Variants in SLC35D2 observed in about 807,000 individuals in gnomAD.
SLC35D2 encodes solute carrier family 35 member D2, also known as nucleotide sugar transporter SLC35D2.
A neutral mutation model predicts 41.8 loss-of-function variants in SLC35D2; 43 were observed. The ratio of observed to expected loss-of-function variants is 1.03; its 90% CI spans 0.81 to 1.33. The LOEUF (loss-of-function observed/expected upper bound fraction) is 1.33, where lower values mean the gene tolerates loss of function less well. SLC35D2 is among the 40% of genes most tolerant of loss of function. SLC35D2 has a pLI of 0.00. For missense variants in SLC35D2, 380 were observed against 408.4 expected, an observed-to-expected ratio of 0.93 and a Z score of 0.60; for synonymous variants, 150 against 163.9, an observed-to-expected ratio of 0.92 and a Z score of 0.65.
intron 6 of SLC35D2, among the ~76,000 whole-genome samples, chr9:96,348,205 C>A (rs1587684337): frequency 6.6e-6 from 1 of 152,302 alleles, no homozygotes; most frequent in African/African-American, 2.4e-5. Flanking sequence ...GGCTACCACA[C>A]CCAGCCCAGA....
chr9:96,373,686 A>G (rs1228296880), intron 1 of SLC35D2, among the ~76,000 whole-genome samples: 45 of 67,130 alleles, frequency 6.7e-4, no homozygotes, highest in Non-Finnish European at 1.4e-4. Flanking sequence ...AGACTCTCTC[A>G]AAAAAAAAAA....
intron 3 of SLC35D2, 147 bp from the exon 4 acceptor site, chr9:96,360,368 C>T (rs1169362022): frequency 1.5e-5 from 10 of 656,796 alleles, no homozygotes; most frequent in Non-Finnish European, 2.3e-5. Context: ...CAGTGGCTCA[C>T]GCCTGTAATC....
chr9:96,351,750 A>G (rs1721847166), intron 5 of SLC35D2, among the ~76,000 whole-genome samples: 1 of 152,182 alleles, frequency 6.6e-6, no homozygotes, highest in Non-Finnish European at 1.5e-5. Context: ...ATTGGTTTAT[A>G]TTCCATCTGG....
chr9:96,321,436 T>A, intron 11 of SLC35D2, 95 bp from the exon 12 acceptor site: 1 of 773,536 alleles, frequency 1.3e-6, no homozygotes, highest in East Asian at 2.6e-5. Context: ...ACCTGCTTCA[T>A]GCGGAGGGAA....
chr9:96,371,474 C>CAAAAAAAAAAAAAAAAAAAAAAAAAAA (rs539576375), intron 1 of SLC35D2, among the ~76,000 whole-genome samples: 3 of 46,648 alleles, frequency 6.4e-5, no homozygotes, highest in Non-Finnish European at 7.6e-5. Context: ...GACTCTGTCT[C>CAAAAAAAAAAAAAAAAAAAAAAAAAAA]AAAAAAAAAA....
intron 1 of SLC35D2, 70 bp from the exon 2 acceptor site, chr9:96,368,375 A>G: frequency 9.0e-7 from 1 of 1,107,212 alleles, no homozygotes; most frequent in East Asian, 2.5e-5. Flanking sequence ...ATAATAAATA[A>G]TGACAAGTTA....
chr9:96,350,880 C>G (rs1354985726), intron 6 of SLC35D2: 1 of 421,132 alleles, frequency 2.4e-6, no homozygotes, highest in Non-Finnish European at 4.3e-6. Flanking sequence ...ATATTAATAT[C>G]TTGCAATGCT....
At chr9:96,382,464 TATAC>T (rs1831232330) in intron 1 of SLC35D2, among the ~76,000 whole-genome samples, 1 of 95,530 alleles carries the variant, frequency 1.0e-5, no homozygotes, top group African/African-American at 5.9e-5. Flanking sequence ...AAAAAAATAT[TATAC>T]ACACACACAC....
At chr9:96,337,813 C>G (rs1008375307) in intron 8 of SLC35D2, among the ~76,000 whole-genome samples, 1 of 151,562 alleles carries the variant, frequency 6.6e-6, no homozygotes, top group African/African-American at 2.4e-5. Context: ...GAAACCCTAT[C>G]TCTACGAAAA....
chr9:96,351,153 G>A lies in SLC35D2; in HGVS notation c.438C>T (p.Asn146=), dbSNP rs767797564. ...TIILGKQYSL[N]IILSVFAIIL... ...TAATGGCAAAGACACTGAGGATGAT[G>A]TTGAGTGAATACTGCTTCCTGTAAT... Residue 146 remains asparagine (N), a synonymous_variant, in exon 6 of 12, where the codon AAC becomes AAT. Coordinates refer to ENST00000253270, the MANE Select transcript of SLC35D2 (RefSeq NM_007001.3). 7 of 1,610,894 alleles carry A rather than the reference G, an allele frequency of 4.3e-6. No individual in the cohort carries two copies. Among genetic ancestry groups the A allele is most frequent in the Non-Finnish European group, 5.1e-6 (6 of 1,177,134 alleles).
At chr9:96,347,090 C>T (rs10119629) in intron 6 of SLC35D2, among the ~76,000 whole-genome samples, 35,845 of 152,098 alleles carry the variant, frequency 0.24, 5,906 homozygotes, top group African/African-American at 0.48. Flanking sequence ...GAGCCAAGAT[C>T]GTGCCTCCAG....
chr9:96,329,180 C>T (rs943337144), intron 9 of SLC35D2, among the ~76,000 whole-genome samples: 2 of 151,314 alleles, frequency 1.3e-5, no homozygotes, highest in Non-Finnish European at 2.9e-5. Flanking sequence ...TACATATATA[C>T]ACACACACAT....
Position 96,321,141 on chromosome 9 carries a change from G to A in SLC35D2, c.*101C>T. The A allele has an allele frequency of 1.2e-6, 1 of 821,334 alleles. No homozygotes were observed. The highest frequency in any genetic ancestry group is 2.0e-6 in the Non-Finnish European group (1 of 492,714). 50.9% of individuals were successfully genotyped at this position (821,334 alleles called of 1,614,324 possible). On this transcript the variant is annotated 3_prime_UTR_variant, in exon 12 of 12. Transcript: ENST00000253270. ...TGCAGATGCTCTCACTTGCCCAGGG[G>A]GTGGATGTCACGAATCCGAAACCTC...
At chr9:96,350,347 C>CA (rs1829761342) in intron 6 of SLC35D2, among the ~76,000 whole-genome samples, 1 of 91,008 alleles carries the variant, frequency 1.1e-5, no homozygotes, top group Non-Finnish European at 2.1e-5. Context: ...ATTTTCTTTC[C>CA]TTTTTTTTTT....
intron 8 of SLC35D2, among the ~76,000 whole-genome samples, chr9:96,338,423 G>A (rs1048620382): frequency 2.0e-5 from 3 of 152,070 alleles, no homozygotes; most frequent in Non-Finnish European, 1.5e-5. Context: ...GCATGGTGGT[G>A]TGCACACTTG....
Position 96,321,149 on chromosome 9 carries a change from T to A in SLC35D2, c.*93A>T, listed in dbSNP as rs1475204297. ...CTCTCACTTGCCCAGGGGGTGGATG[T>A]CACGAATCCGAAACCTCTGGCTTCA... On this transcript the variant is annotated 3_prime_UTR_variant, in exon 12 of 12. Transcript: ENST00000253270. 29 of 918,364 alleles carry A rather than the reference T, an allele frequency of 3.2e-5. No individual in the cohort carries two copies. Among genetic ancestry groups the A allele is most frequent in the Non-Finnish European group, 4.5e-5 (26 of 575,914 alleles). 56.9% of individuals were successfully genotyped at this position (918,364 alleles called of 1,614,324 possible).
chr9:96,320,318 A>G (rs1828162875), downstream of SLC35D2, among the ~76,000 whole-genome samples: 1 of 152,194 alleles, frequency 6.6e-6, no homozygotes, highest in Admixed American at 6.5e-5. Flanking sequence ...GTTCAAGACT[A>G]GCCTGGCCAA....
intron 6 of SLC35D2, among the ~76,000 whole-genome samples, chr9:96,347,763 G>T (rs995809921): frequency 3.3e-5 from 5 of 152,096 alleles, no homozygotes; most frequent in African/African-American, 9.7e-5. Flanking sequence ...TAAGTCACAG[G>T]ATGACATAGG....
At chr9:96,371,718 C>CTTTTTT (rs774105070) in intron 1 of SLC35D2, among the ~76,000 whole-genome samples, 4 of 90,590 alleles carry the variant, frequency 4.4e-5, no homozygotes, top group Non-Finnish European at 6.3e-5. Context: ...AACTAAATTT[C>CTTTTTT]TTTTTTTTTT....
Sources: gnomAD v4.1 joint callset for allele counts (sites outside exome capture counted in the v4.1 genomes callset) on GRCh38, gnomAD v4.1.1 for gene constraint, MANE v1.5 for transcripts, NCBI Gene and HGNC (gene_info 2026-07-23, HGNC 2026-07-21) for gene names.